Variants in DLEC1 observed in about 807,000 individuals in gnomAD.
DLEC1 encodes deleted in lung and esophageal cancer protein 1.
DLEC1 carries 146 observed loss-of-function variants against 198.1 expected under a neutral mutation model. That is an observed-to-expected ratio of 0.74 (90% CI 0.64 to 0.85). The LOEUF (loss-of-function observed/expected upper bound fraction) is 0.85, where lower values mean the gene tolerates loss of function less well. Among genes scored for constraint, DLEC1 ranks in the 40% least tolerant of loss-of-function variants. The probability of loss-of-function intolerance (pLI) is 0.00; values close to 1 mark genes in which losing one functional copy is unlikely to be tolerated. For synonymous variants in DLEC1, 897 were observed against 866.8 expected (o/e 1.03, Z -0.61); for missense variants, 2,233 against 2,220.0 (o/e 1.01, Z -0.12).
chr3:38,058,746 T>C (rs1175451377), intron 2 of DLEC1, among the ~76,000 whole-genome samples: 2 of 152,100 alleles, frequency 1.3e-5, no homozygotes, highest in Admixed American at 1.3e-4. Context: ...AATGTGTCTA[T>C]GTAGGTTCTT....
rs199512769 is a variant in DLEC1 at position 38,097,803 on chromosome 3, G to A, written c.2625G>A (p.Gln875=). 9.5e-5 allele frequency: 153 copies of A among 1,614,176 alleles called. 2 individuals carry two copies. The East Asian group carries it at 3.3e-3, about 35-fold the overall frequency. ...ALQFGLLRLG[Q]KATNSIQIRN... ...AGTTTGGTCTGCTCCGCCTGGGGCAGAAAGCCACAAACTCCATCCAGATCC... is the reference window on the plus strand; with the variant it reads ...AGTTTGGTCTGCTCCGCCTGGGGCAAAAAGCCACAAACTCCATCCAGATCC... Residue 875 remains glutamine, a synonymous_variant, in exon 18 of 37, where the codon CAG becomes CAA. Coordinates refer to ENST00000308059, the MANE Select transcript of DLEC1 (RefSeq NM_007335.4).
At chr3:38,086,113 C>T in intron 8 of DLEC1, 128 bp from the exon 9 acceptor site, 1 of 1,334,606 alleles carries the variant, frequency 7.5e-7, no homozygotes, top group Non-Finnish European at 1.0e-6. Context: ...CACTCATCCT[C>T]TCTGCATAGG....
chr3:38,058,644 C>T (rs987419500), intron 2 of DLEC1, among the ~76,000 whole-genome samples: 1 of 151,878 alleles, frequency 6.6e-6, no homozygotes, highest in Non-Finnish European at 1.5e-5. Flanking sequence ...GAATAAAAAG[C>T]CTCCACCTGT....
intron 2 of DLEC1, among the ~76,000 whole-genome samples, chr3:38,057,620 C>T (rs1696444479): frequency 6.6e-6 from 1 of 152,170 alleles, no homozygotes; most frequent in Admixed American, 6.5e-5. Flanking sequence ...TTAAGGCATG[C>T]AGAAGTTTTA....
intron 10 of DLEC1, among the ~76,000 whole-genome samples, chr3:38,089,137 T>C (rs1210855492): frequency 1.3e-5 from 2 of 152,234 alleles, no homozygotes; most frequent in East Asian, 3.8e-4. Flanking sequence ...AAAAACCGTC[T>C]GGCTTCTGGG....
At chr3:38,097,060 G>A (rs1699061070) in intron 15 of DLEC1, 122 bp from the exon 16 acceptor site, 1 of 1,011,144 alleles carries the variant, frequency 9.9e-7, no homozygotes, top group East Asian at 2.6e-5. Context: ...TGGGTGGCCA[G>A]GAATTAGCCG....
At chr3:38,093,822 C>T in intron 12 of DLEC1, 55 bp downstream of exon 12, 4 of 1,599,900 alleles carry the variant, frequency 2.5e-6, no homozygotes, top group Non-Finnish European at 3.4e-6. Context: ...GCTTACCTGG[C>T]CCTCAGTCCC....
chr3:38,040,549 G>T (rs886183678), intron 1 of DLEC1, among the ~76,000 whole-genome samples: 1 of 152,194 alleles, frequency 6.6e-6, no homozygotes, highest in Non-Finnish European at 1.5e-5. Context: ...TTCTTAAAGT[G>T]CAGCCAGAGC....
chr3:38,039,609 C>T lies in DLEC1; in HGVS notation c.384C>T (p.His128=), dbSNP rs762270810. The change falls in exon 1 of 37, where the codon CAC becomes CAT. Residue 128 remains histidine (H), a synonymous_variant. Coordinates refer to ENST00000308059, the MANE Select transcript of DLEC1 (RefSeq NM_007335.4). Reference sequence around the variant, plus strand: ...CCCGCGGCAGCGAGAATGAGCGCCACGAGGAGTTCGTGGACCAGCTGCAGC... The same window carrying T: ...CCCGCGGCAGCGAGAATGAGCGCCATGAGGAGTTCGTGGACCAGCTGCAGC... The part of the protein sequence containing the change: ...IKARGSENER[H]EEFVDQLQQI... 1.2e-5 allele frequency: 19 copies of T among 1,608,840 alleles called. No homozygotes were observed. Among genetic ancestry groups the T allele is most frequent in the Non-Finnish European group, 1.5e-5 (18 of 1,176,492 alleles).
intron 6 of DLEC1, among the ~76,000 whole-genome samples, chr3:38,075,102 G>C (rs949890851): frequency 1.3e-5 from 2 of 152,094 alleles, no homozygotes; most frequent in Non-Finnish European, 2.9e-5. Flanking sequence ...GCAGCCTGAG[G>C]AGGAGGGGAA....
chr3:38,041,745 G>A (rs1411850980), intron 1 of DLEC1, among the ~76,000 whole-genome samples: 2 of 151,356 alleles, frequency 1.3e-5, no homozygotes, highest in Non-Finnish European at 2.9e-5. Flanking sequence ...GTACTCGGGA[G>A]GCTGAGACAG....
intron 21 of DLEC1, 125 bp from the exon 22 acceptor site, chr3:38,109,307 G>T: frequency 7.2e-7 from 1 of 1,390,560 alleles, no homozygotes; most frequent in Non-Finnish European, 9.7e-7. Flanking sequence ...CTCACTGGAG[G>T]GACTGGAGAT....
Position 38,094,984 on chromosome 3 carries a change from G to A in DLEC1, c.2025G>A (p.Lys675=). ...SMDSIKCYPD[K]ETAFSIMPRK... ...ACAGCATCAAGTGCTACCCCGACAA[G>A]GAGACTGCCTTCTCCATCATGCCCA... The change falls in exon 13 of 37, where the codon AAG becomes AAA. Residue 675 remains lysine (K), a synonymous_variant. Transcript: ENST00000308059. The A allele has an allele frequency of 6.2e-7, 1 of 1,614,198 alleles. No homozygotes were observed. The highest frequency in any genetic ancestry group is 8.5e-7 in the Non-Finnish European group (1 of 1,180,022).
chr3:38,070,984 G>A (rs1273044731), intron 6 of DLEC1, among the ~76,000 whole-genome samples: 1 of 152,148 alleles, frequency 6.6e-6, no homozygotes, highest in African/African-American at 2.4e-5. Context: ...TAGTGTTGAA[G>A]TGTTGGGGTG....
Position 38,062,482 on chromosome 3 carries a change from G to C in DLEC1, c.874-99G>C, listed in dbSNP as rs979021102. On this transcript the variant is annotated intron_variant, in intron 4 of 36. Transcript: ENST00000308059. Reference sequence around the variant, plus strand: ...TGAATCCATCGCAAAATAGAGTAGAGCTTGTGTTGGCCATCTATGGGTCAT... The same window carrying C: ...TGAATCCATCGCAAAATAGAGTAGACCTTGTGTTGGCCATCTATGGGTCAT... 5 of 1,572,678 alleles carry C rather than the reference G, an allele frequency of 3.2e-6. No homozygotes were observed. The African/African-American group carries it at 6.8e-5, about 21-fold the overall frequency.
At position 38,122,603 on chromosome 3, in the gene DLEC1, T is replaced by G. The variant is rs779728679; in HGVS notation, c.*191T>G. On this transcript the variant is annotated 3_prime_UTR_variant, in exon 37 of 37. Coordinates refer to ENST00000308059, the MANE Select transcript of DLEC1 (RefSeq NM_007335.4). Reference sequence around the variant, plus strand: ...TCATGATATGTCCTCAGAGCTAACATAAAGGACAGGCCACACCACAGCAGA... The same window carrying G: ...TCATGATATGTCCTCAGAGCTAACAGAAAGGACAGGCCACACCACAGCAGA... The G allele has an allele frequency of 6.4e-7, 1 of 1,573,298 alleles. No individual in the cohort carries two copies. The highest frequency in any genetic ancestry group is 8.6e-7 in the Non-Finnish European group (1 of 1,163,670).
chr3:38,057,728 T>C (rs992687259), intron 2 of DLEC1, among the ~76,000 whole-genome samples: 2 of 152,144 alleles, frequency 1.3e-5, no homozygotes, highest in Non-Finnish European at 2.9e-5. Flanking sequence ...GGGGACAGGA[T>C]TGGAGATGAT....
chr3:38,112,485 T>C lies in DLEC1; in HGVS notation c.3666+124T>C, dbSNP rs1699940597. ...CAAACCTCACCAGGTTGAAACGCGATGCCCACCGAGCTTGGGATGGGCATT... is the reference window on the plus strand; with the variant it reads ...CAAACCTCACCAGGTTGAAACGCGACGCCCACCGAGCTTGGGATGGGCATT... On this transcript the variant is annotated intron_variant, in intron 25 of 36. Transcript: ENST00000308059. The surrounding 1 kb of genome is among the most constrained non-coding windows in gnomAD (Gnocchi z 4.8). 13 of 1,404,290 alleles carry C rather than the reference T, an allele frequency of 9.3e-6. No homozygotes were observed. The highest frequency in any genetic ancestry group is 1.2e-5 in the Non-Finnish European group (12 of 1,027,098). The allele number at this position is 1,404,290 out of a possible 1,614,324, so 87.0% of individuals were successfully genotyped here. A position where few individuals can be genotyped will look rare whatever the true frequency, so the allele number is the denominator to read the frequency against.
chr3:38,092,124 A>C (rs1559438470), intron 10 of DLEC1, among the ~76,000 whole-genome samples: 2 of 152,244 alleles, frequency 1.3e-5, no homozygotes, highest in Non-Finnish European at 2.9e-5. Flanking sequence ...TCATTGTGTC[A>C]TTCACAATAG....
Sources: gnomAD v4.1 joint callset for allele counts (sites outside exome capture counted in the v4.1 genomes callset) on GRCh38, gnomAD v4.1.1 for gene constraint, Gnocchi (gnomAD v3.1) non-coding constraint, MANE v1.5 for transcripts, NCBI Gene and HGNC (gene_info 2026-07-23, HGNC 2026-07-21) for gene names.